Variants in IGF2BP2 observed in about 807,000 individuals in gnomAD.
The protein encoded by IGF2BP2 is insulin like growth factor 2 mRNA binding protein 2.
A neutral mutation model predicts 75.8 loss-of-function variants in IGF2BP2; 17 were observed. That is an observed-to-expected ratio of 0.22 (90% CI 0.15 to 0.34). The LOEUF is 0.34. Among genes scored for constraint, IGF2BP2 ranks in the 10% least tolerant of loss-of-function variants. The pLI is 1.00. For synonymous variants in IGF2BP2, 288 were observed against 295.6 expected, an observed-to-expected ratio of 0.97 and a Z score of 0.26; for missense variants, 516 against 772.4, an observed-to-expected ratio of 0.67 and a Z score of 3.93.
rs200672412 is a variant in IGF2BP2 at position 185,672,659 on chromosome 3, T to C, written c.1082A>G (p.Asn361Ser). 83 of 1,613,948 alleles carry C rather than the reference T, an allele frequency of 5.1e-5. No individual in the cohort carries two copies. The Admixed American group carries it at 9.3e-4, about 18-fold the overall frequency. ...NDMLAVNQQA[N>S]LIPGLNLSAL... ...GCTGAGGTTCAACCCTGGGATCAGA[T>C]TGGCTTGTTGCTGGGAATAGAAATG... Residue 361 changes from asparagine to serine, a missense_variant, in exon 10 of 16, where the codon AAT becomes AGT. Physicochemically the swap from Asn to Ser is conservative, Grantham distance 46. Coordinates refer to ENST00000382199, the MANE Select transcript of IGF2BP2 (RefSeq NM_006548.6).
At chr3:185,777,973 G>A (rs1210071647) in intron 2 of IGF2BP2, among the ~76,000 whole-genome samples, 4 of 151,994 alleles carry the variant, frequency 2.6e-5, no homozygotes, top group Non-Finnish European at 5.9e-5. Context: ...GAACCCAGGA[G>A]GTGGAGGTTG....
intron 1 of IGF2BP2, 147 bp downstream of exon 1, chr3:185,824,636 C>T: frequency 2.3e-6 from 1 of 434,244 alleles, no homozygotes; most frequent in Middle Eastern, 7.2e-4. Context: ...GGGCCGGCGG[C>T]GAGAGTTGAG....
At chr3:185,688,606 G>C (rs1051310700) in intron 6 of IGF2BP2, among the ~76,000 whole-genome samples, 1 of 152,150 alleles carries the variant, frequency 6.6e-6, no homozygotes, top group Non-Finnish European at 1.5e-5. Context: ...GCCTCCCAAA[G>C]TGCTGGGATT....
chr3:185,687,073 C>T lies in IGF2BP2; in HGVS notation c.796G>A (p.Ala266Thr), dbSNP rs1207085421. 1.1e-5 allele frequency: 18 copies of T among 1,612,830 alleles called. No homozygotes were observed. Among genetic ancestry groups the T allele is most frequent in the Admixed American group, 1.7e-5 (1 of 59,822 alleles). ...CAAACTTACAGTTTGGTCTCATCTG[C>T]CTCTTTCTGCATGATTTCAAGAATC... ...RMILEIMQKE[A>T]DETKLAEEIP... Residue 266 changes from alanine to threonine, a missense_variant, in exon 7 of 16, where the codon GCA (alanine) becomes ACA (threonine). Around this residue, in one of 3 missense-constraint regions of IGF2BP2, gnomAD observed 312 missense variants for 474.5 expected, o/e 0.66. Transcript: ENST00000382199.
chr3:185,814,467 C>T (rs1223562945), intron 2 of IGF2BP2, among the ~76,000 whole-genome samples: 5 of 152,096 alleles, frequency 3.3e-5, no homozygotes, highest in Admixed American at 6.5e-5. Flanking sequence ...TGAGCTTTTT[C>T]AAAAACACCC....
chr3:185,661,306 T>C (rs572117942), intron 10 of IGF2BP2, among the ~76,000 whole-genome samples: 4 of 152,286 alleles, frequency 2.6e-5, no homozygotes, highest in Non-Finnish European at 4.4e-5. Context: ...CTAGTTCTTA[T>C]AGTACTGTTG....
At chr3:185,760,587 T>G (rs1732230234) in intron 2 of IGF2BP2, among the ~76,000 whole-genome samples, 1 of 152,230 alleles carries the variant, frequency 6.6e-6, no homozygotes, top group African/African-American at 2.4e-5. Flanking sequence ...AACCACCAGC[T>G]GGCTTTCTGC....
At chr3:185,795,166 GGATTACAGGCAT>G (rs771393683) in intron 2 of IGF2BP2, among the ~76,000 whole-genome samples, 385 of 152,202 alleles carry the variant, frequency 2.5e-3, no homozygotes, top group Non-Finnish European at 3.7e-3. Context: ...CAAAGTGCTG[GGATTACAGGCAT>G]GAGCCACCAC....
At chr3:185,660,531 C>T (rs894629341) in intron 10 of IGF2BP2, among the ~76,000 whole-genome samples, 12 of 152,168 alleles carry the variant, frequency 7.9e-5, no homozygotes, top group African/African-American at 2.9e-4. Context: ...CGCCTGCCGG[C>T]GACAGAGCTC....
In IGF2BP2 at chr3:185,788,721, T is replaced by C. The variant is rs951654003; in HGVS notation, c.239+34432A>G. 6.3e-3 allele frequency among the ~76,000 whole-genome samples: 914 copies of C among 145,556 alleles called. 6 individuals are homozygous for C. Among genetic ancestry groups the C allele is most frequent in the African/African-American group, 0.022 (870 of 39,528 alleles). ...AAACTGACAAACGACTTTTTTTTTT[T>C]TTTTTTTTTTTTTTTTGATAGAGTC... is the stretch of plus-strand genomic sequence containing the variant. On this transcript the variant is annotated intron_variant, in intron 2 of 15. Coordinates refer to ENST00000382199, the MANE Select transcript of IGF2BP2 (RefSeq NM_006548.6).
intron 2 of IGF2BP2, among the ~76,000 whole-genome samples, chr3:185,715,444 G>C (rs1011629322): frequency 6.6e-6 from 1 of 152,128 alleles, no homozygotes; most frequent in Non-Finnish European, 1.5e-5. Flanking sequence ...GGTAAACACC[G>C]GGAGGCAGGT....
At chr3:185,697,453 A>G (rs901170479) in intron 3 of IGF2BP2, among the ~76,000 whole-genome samples, 3 of 152,114 alleles carry the variant, frequency 2.0e-5, no homozygotes, top group Non-Finnish European at 4.4e-5. Flanking sequence ...CATTAGATAA[A>G]ACATTGTTTC....
At chr3:185,813,204 G>T (rs912509745) in intron 2 of IGF2BP2, among the ~76,000 whole-genome samples, 6 of 151,930 alleles carry the variant, frequency 3.9e-5, no homozygotes, top group African/African-American at 1.5e-4. Flanking sequence ...CAGTACCTTT[G>T]TCATCTCAAA....
chr3:185,726,156 G>A (rs1358393390), intron 2 of IGF2BP2, among the ~76,000 whole-genome samples: 1 of 152,140 alleles, frequency 6.6e-6, no homozygotes, highest in Non-Finnish European at 1.5e-5. Context: ...TTTTGGAAAG[G>A]TGCGATCATC....
intron 2 of IGF2BP2, among the ~76,000 whole-genome samples, chr3:185,755,953 A>G (rs1364229553): frequency 6.6e-6 from 1 of 152,190 alleles, no homozygotes; most frequent in Non-Finnish European, 1.5e-5. Context: ...TGTATTTTGC[A>G]ATGTGAGAAG....
At chr3:185,652,773 C>T (rs1231962574) in intron 12 of IGF2BP2, among the ~76,000 whole-genome samples, 2 of 152,100 alleles carry the variant, frequency 1.3e-5, no homozygotes. Flanking sequence ...AATTCCTCCC[C>T]TCGCTGTGCC....
At chr3:185,648,757 G>T (rs996267164) in intron 14 of IGF2BP2, among the ~76,000 whole-genome samples, 2 of 152,146 alleles carry the variant, frequency 1.3e-5, no homozygotes, top group Non-Finnish European at 2.9e-5. Flanking sequence ...CACTGTGTTT[G>T]TTCCTGCACC....
intron 2 of IGF2BP2, among the ~76,000 whole-genome samples, chr3:185,763,252 TTC>T (rs960315632): frequency 6.6e-6 from 1 of 152,110 alleles, no homozygotes; most frequent in African/African-American, 2.4e-5. Flanking sequence ...TCTGTGGGGT[TTC>T]TGTTTTTGTT....
intron 10 of IGF2BP2, among the ~76,000 whole-genome samples, chr3:185,666,493 A>C (rs1478902284): frequency 6.6e-6 from 1 of 152,078 alleles, no homozygotes; most frequent in Non-Finnish European, 1.5e-5. Context: ...AATTAGCCGA[A>C]CGTGGTGGTG....
Sources: gnomAD v4.1 joint callset for allele counts (sites outside exome capture counted in the v4.1 genomes callset) on GRCh38, gnomAD v4.1.1 for gene constraint, gnomAD v4.1.1 regional missense constraint, MANE v1.5 for transcripts, NCBI Gene and HGNC (gene_info 2026-07-23, HGNC 2026-07-21) for gene names.